The following NRG3 variants were observed in gnomAD, a reference collection of about 807,000 sequenced individuals.
NRG3 encodes the protein pro-neuregulin-3, membrane-bound isoform.
A neutral mutation model predicts 66.9 loss-of-function variants in NRG3; 31 were observed. That is an observed-to-expected ratio of 0.46 (90% confidence interval 0.35 to 0.63). The LOEUF is 0.63. NRG3 is among the 20% of genes least tolerant of loss of function. NRG3 has a pLI of 0.00. For synonymous variants in NRG3, 393 were observed against 359.4 expected, an observed-to-expected ratio of 1.09 and a Z score of -1.06; for missense variants, 910 against 878.9, an observed-to-expected ratio of 1.04 and a Z score of -0.45.
At chr10:82,303,297 G>A (rs2080514323) in intron 1 of NRG3, among the ~76,000 whole-genome samples, 1 of 151,360 alleles carries the variant, frequency 6.6e-6, no homozygotes, top group Admixed American at 6.6e-5. Flanking sequence ...TTTCCAGATA[G>A]CCTATGCTTA....
Position 81,977,157 on chromosome 10 carries a change from C to T in NRG3, c.823+100994C>T, listed in dbSNP as rs2060154650. On this transcript the variant is annotated intron_variant, in intron 1 of 8. Coordinates refer to ENST00000372141, the MANE Select transcript of NRG3 (RefSeq NM_001010848.4). ...AATTTGGAAGATTGCACACTTGCAG[C>T]CTCTGGTGACTTCCCAGATTGAATG... 4.6e-5 allele frequency among the ~76,000 whole-genome samples: 7 copies of T among 152,190 alleles called. No individual in the cohort carries two copies. In the South Asian group the frequency reaches 1.4e-3, roughly 31 times the overall value.
At chr10:82,347,652 A>G (rs1257947172) in intron 1 of NRG3, among the ~76,000 whole-genome samples, 1 of 152,000 alleles carries the variant, frequency 6.6e-6, no homozygotes, top group Non-Finnish European at 1.5e-5. Context: ...GGTCTGTCTA[A>G]TGTTGACAGT....
intron 2 of NRG3, among the ~76,000 whole-genome samples, chr10:82,472,847 C>G (rs956208728): frequency 6.6e-6 from 1 of 152,088 alleles, no homozygotes; most frequent in Admixed American, 6.6e-5. Context: ...TTGAAAACAC[C>G]AGGGCTGCTT....
chr10:82,650,765 C>G (rs751412244), intron 2 of NRG3, among the ~76,000 whole-genome samples: 2 of 152,154 alleles, frequency 1.3e-5, no homozygotes, highest in African/African-American at 2.4e-5. Flanking sequence ...TGTTTATTTG[C>G]TATTTTTACA....
At chr10:82,352,917 A>C (rs1405683855) in intron 1 of NRG3, among the ~76,000 whole-genome samples, 1 of 151,436 alleles carries the variant, frequency 6.6e-6, no homozygotes, top group African/African-American at 2.4e-5. Flanking sequence ...TTATGGAAAC[A>C]GATTTTATTG....
At chr10:82,657,786 G>A (rs1238061205) in intron 2 of NRG3, among the ~76,000 whole-genome samples, 1 of 151,580 alleles carries the variant, frequency 6.6e-6, no homozygotes, top group Non-Finnish European at 1.5e-5. Flanking sequence ...TGATGAAATG[G>A]ACAAAGACCT....
intron 2 of NRG3, among the ~76,000 whole-genome samples, chr10:82,542,715 G>A (rs901583357): frequency 6.6e-6 from 1 of 152,170 alleles, no homozygotes; most frequent in Non-Finnish European, 1.5e-5. Flanking sequence ...CTTGCCAAAG[G>A]CATAAAAGCT....
chr10:82,544,136 T>A (rs2043734289), intron 2 of NRG3, among the ~76,000 whole-genome samples: 1 of 152,202 alleles, frequency 6.6e-6, no homozygotes, highest in Non-Finnish European at 1.5e-5. Flanking sequence ...GTTTAAAGAA[T>A]ACATGAGATG....
chr10:82,310,121 TC>T (rs1404823901), intron 1 of NRG3, among the ~76,000 whole-genome samples: 2 of 152,148 alleles, frequency 1.3e-5, no homozygotes, highest in Non-Finnish European at 2.9e-5. Flanking sequence ...TCCATCCTTC[TC>T]AATGCTGTCA....
At chr10:82,715,287 G>A (rs1002507982) in intron 2 of NRG3, among the ~76,000 whole-genome samples, 5 of 152,220 alleles carry the variant, frequency 3.3e-5, no homozygotes, top group Middle Eastern at 6.8e-3. Flanking sequence ...AGTCCCAACC[G>A]CTTTGGAGGC....
intron 2 of NRG3, among the ~76,000 whole-genome samples, chr10:82,419,603 A>T (rs1404183816): frequency 6.6e-6 from 1 of 152,154 alleles, no homozygotes; most frequent in Admixed American, 6.5e-5. Context: ...GTATTCTTTC[A>T]TTGCAGATTT....
chr10:82,944,406 G>T lies in NRG3; in HGVS notation c.1055-7063G>T, dbSNP rs181825112. Among the ~76,000 whole-genome samples the T allele has an allele frequency of 5.9e-5, 9 of 152,242 alleles. No individual in the cohort carries two copies. The East Asian group carries it at 1.7e-3, about 29-fold the overall frequency. ...AGACAGATTATTATACGCAAGTCATGCTTATTCCATTTCAGTCATGAACTG... is the reference window on the plus strand; with the variant it reads ...AGACAGATTATTATACGCAAGTCATTCTTATTCCATTTCAGTCATGAACTG... On this transcript the variant is annotated intron_variant, in intron 4 of 8. Coordinates refer to ENST00000372141, the MANE Select transcript of NRG3 (RefSeq NM_001010848.4).
chr10:82,565,981 G>A (rs990767158), intron 2 of NRG3, among the ~76,000 whole-genome samples: 29 of 151,900 alleles, frequency 1.9e-4, no homozygotes, highest in African/African-American at 4.1e-4. Flanking sequence ...CCTCTTATTC[G>A]CCATAGAGAT....
At chr10:82,851,780 G>A (rs555577379) in intron 3 of NRG3, among the ~76,000 whole-genome samples, 1 of 152,160 alleles carries the variant, frequency 6.6e-6, no homozygotes, top group East Asian at 1.9e-4. Context: ...ATCTGTGCCA[G>A]GAATTGTCCT....
chr10:82,724,121 C>G (rs1299061598), intron 2 of NRG3, among the ~76,000 whole-genome samples: 1 of 151,210 alleles, frequency 6.6e-6, no homozygotes, highest in African/African-American at 2.4e-5. Flanking sequence ...TAAGATTGCT[C>G]TAGTTATATA....
At chr10:82,969,854 A>G (rs1034462046) in intron 6 of NRG3, among the ~76,000 whole-genome samples, 1 of 152,234 alleles carries the variant, frequency 6.6e-6, no homozygotes, top group African/African-American at 2.4e-5. Flanking sequence ...AAATATATGT[A>G]CATACAAAAT....
At chr10:82,655,154 T>C (rs2051738034) in intron 2 of NRG3, among the ~76,000 whole-genome samples, 1 of 152,056 alleles carries the variant, frequency 6.6e-6, no homozygotes, top group East Asian at 1.9e-4. Flanking sequence ...GTGTTAGAAA[T>C]AGTACAGTGA....
intron 1 of NRG3, among the ~76,000 whole-genome samples, chr10:82,215,687 T>C (rs1163428537): frequency 6.6e-6 from 1 of 151,920 alleles, no homozygotes; most frequent in Non-Finnish European, 1.5e-5. Context: ...ACAGGCAGAC[T>C]TCTGTTGACA....
At chr10:81,941,917 G>A (rs759416760) in intron 1 of NRG3, among the ~76,000 whole-genome samples, 1 of 152,018 alleles carries the variant, frequency 6.6e-6, no homozygotes, top group East Asian at 1.9e-4. Context: ...TAGTTCTGAG[G>A]CAAAAGAAAC....
Sources: allele counts gnomAD v4.1 joint callset (sites outside exome capture counted in the v4.1 genomes callset), GRCh38; gene constraint gnomAD v4.1.1; transcripts MANE v1.5; gene names NCBI Gene and HGNC (gene_info 2026-07-23, HGNC 2026-07-21).